Variants in PARP8 observed in about 807,000 individuals in gnomAD.
The protein encoded by PARP8 is poly(ADP-ribose) polymerase family member 8, also known as protein mono-ADP-ribosyltransferase PARP8.
PARP8 carries 51 observed loss-of-function variants against 124.1 expected under a neutral mutation model. That is an observed-to-expected ratio of 0.41 (90% CI 0.33 to 0.52). PARP8 has a LOEUF of 0.52. PARP8 is among the 20% of genes least tolerant of loss of function. The probability of loss-of-function intolerance (pLI) is 0.21; values close to 1 mark genes in which losing one functional copy is unlikely to be tolerated. For synonymous variants in PARP8, 391 were observed against 361.5 expected (o/e 1.08, Z -0.93); for missense variants, 860 against 1,018.9 (o/e 0.84, Z 2.12).
chr5:50,838,199 G>A (rs1747796446), intron 25 of PARP8, among the ~76,000 whole-genome samples: 1 of 152,200 alleles, frequency 6.6e-6, no homozygotes, highest in African/African-American at 2.4e-5. Context: ...AGTCTGTGCA[G>A]TAATTTTATA....
At chr5:50,770,941 A>C (rs1360866649) in intron 7 of PARP8, among the ~76,000 whole-genome samples, 1 of 152,042 alleles carries the variant, frequency 6.6e-6, no homozygotes, top group African/African-American at 2.4e-5. Context: ...TTATCCTTTA[A>C]GATTAATGTT....
chr5:50,837,417 G>A, intron 25 of PARP8, among the ~76,000 whole-genome samples: 1 of 151,996 alleles, frequency 6.6e-6, no homozygotes, highest in African/African-American at 2.4e-5. Context: ...CCTAATGTGT[G>A]GTAACACCTA....
intron 25 of PARP8, among the ~76,000 whole-genome samples, chr5:50,835,740 G>T (rs556486990): frequency 6.6e-6 from 1 of 152,142 alleles, no homozygotes; most frequent in African/African-American, 2.4e-5. Context: ...TATAATACAG[G>T]CTGGCAATGC....
At chr5:50,684,179 T>C (rs530786052) in intron 2 of PARP8, among the ~76,000 whole-genome samples, 1 of 152,300 alleles carries the variant, frequency 6.6e-6, no homozygotes, top group South Asian at 2.1e-4. Flanking sequence ...TAAATTCATA[T>C]TGTATGTCTG....
At position 50,843,157 on chromosome 5, in the gene PARP8, C is replaced by T. The variant is rs2149737821; in HGVS notation, c.*1089C>T. 6.6e-6 allele frequency: 1 copy of T among 151,646 alleles called. No homozygotes were observed. Among genetic ancestry groups the T allele is most frequent in the East Asian group, 1.9e-4 (1 of 5,154 alleles). 9.4% of individuals were successfully genotyped at this position (151,646 alleles called of 1,614,324 possible). A position where few individuals can be genotyped will look rare whatever the true frequency, so the allele number is the denominator to read the frequency against. Reference sequence around the variant, plus strand: ...ATAAGTTTATAGAGAACAGTAACACCAGCTCTCAGCATTTCCTTTTCAAGA... The same window carrying T: ...ATAAGTTTATAGAGAACAGTAACACTAGCTCTCAGCATTTCCTTTTCAAGA... On this transcript the variant is annotated 3_prime_UTR_variant, in exon 26 of 26. Coordinates refer to ENST00000281631, the MANE Select transcript of PARP8 (RefSeq NM_024615.4).
intron 14 of PARP8, among the ~76,000 whole-genome samples, chr5:50,805,250 A>C (rs529749947): frequency 6.6e-6 from 1 of 152,272 alleles, no homozygotes; most frequent in East Asian, 1.9e-4. Context: ...AATAAAATAT[A>C]GATAAATATG....
intron 2 of PARP8, among the ~76,000 whole-genome samples, chr5:50,681,050 A>T (rs1375642358): frequency 3.3e-5 from 5 of 152,132 alleles, no homozygotes; most frequent in Non-Finnish European, 7.4e-5. Context: ...ATTTATGTAG[A>T]TATTTTCCCT....
intron 7 of PARP8, among the ~76,000 whole-genome samples, chr5:50,770,631 G>A (rs1036806250): frequency 2.0e-5 from 3 of 150,292 alleles, no homozygotes; most frequent in African/African-American, 7.4e-5. Context: ...GAAGGAGGGA[G>A]GGAGGGAGTA....
rs1300268938 is a variant in PARP8, at chr5:50,834,005, A to G, written c.2334A>G (p.Gln778=). 2.5e-6 allele frequency: 4 copies of G among 1,612,576 alleles called. No individual in the cohort carries two copies. Among genetic ancestry groups the G allele is most frequent in the East Asian group, 4.5e-5 (2 of 44,750 alleles). The change falls in exon 24 of 26, where the codon CAA becomes CAG. Residue 778 remains glutamine (Q), a synonymous_variant. Coordinates refer to ENST00000281631, the MANE Select transcript of PARP8 (RefSeq NM_024615.4). The part of the protein sequence containing the change: ...SQSQKKGQQS[Q]FLQSRNLKCI... ...CACAGAAAAAAGGACAGCAATCCCA[A>G]TTCCTGCAAAGCCGTAACTTAAAAT... is the stretch of plus-strand genomic sequence containing the variant.
At chr5:50,787,312 C>G (rs1174678518) in intron 9 of PARP8, among the ~76,000 whole-genome samples, 2 of 152,260 alleles carry the variant, frequency 1.3e-5, no homozygotes, top group Admixed American at 6.5e-5. Flanking sequence ...GGTTCCTTCC[C>G]TGCTCTCATC....
intron 7 of PARP8, among the ~76,000 whole-genome samples, chr5:50,775,288 A>T (rs1449732639): frequency 6.6e-6 from 1 of 152,122 alleles, no homozygotes; most frequent in Admixed American, 6.5e-5. Flanking sequence ...AGTGAGTGAG[A>T]CTCCATCTGC....
intron 12 of PARP8, 134 bp from the exon 13 acceptor site, chr5:50,796,848 A>G: frequency 1.3e-6 from 1 of 743,602 alleles, no homozygotes; most frequent in Non-Finnish European, 2.1e-6. Flanking sequence ...TTTTGATGTC[A>G]TCAGTGACTC....
In PARP8 at chr5:50,687,852, C is replaced by T. The variant is rs145596294; in HGVS notation, c.146+19727C>T. ...CTCCCACAGGGTCCCTCTCACAGCACGTGGAAATTCAAGATGAGATTTGTA... is the reference window on the plus strand; with the variant it reads ...CTCCCACAGGGTCCCTCTCACAGCATGTGGAAATTCAAGATGAGATTTGTA... On this transcript the variant is annotated intron_variant, in intron 2 of 25. Coordinates refer to ENST00000281631, the MANE Select transcript of PARP8 (RefSeq NM_024615.4). Among the ~76,000 whole-genome samples the T allele has an allele frequency of 5.5e-3, 834 of 152,284 alleles. 7 individuals carry two copies. The highest frequency in any genetic ancestry group is 0.019 in the African/African-American group (797 of 41,554).
chr5:50,803,215 C>T (rs1283603975), intron 14 of PARP8, among the ~76,000 whole-genome samples: 4 of 152,054 alleles, frequency 2.6e-5, no homozygotes. Context: ...GTTGAGGATT[C>T]CTTGTTATGT....
intron 7 of PARP8, among the ~76,000 whole-genome samples, chr5:50,771,644 G>A (rs949531066): frequency 2.0e-5 from 3 of 150,376 alleles, no homozygotes; most frequent in African/African-American, 7.5e-5. Flanking sequence ...CTATAAAAGG[G>A]ATTATATTCT....
chr5:50,710,529 T>G (rs1754671839), intron 2 of PARP8, among the ~76,000 whole-genome samples: 1 of 152,114 alleles, frequency 6.6e-6, no homozygotes, highest in South Asian at 2.1e-4. Context: ...AAATAAACCT[T>G]TTTTATTTAG....
intron 2 of PARP8, among the ~76,000 whole-genome samples, chr5:50,741,505 G>A (rs1758037995): frequency 6.6e-6 from 1 of 152,182 alleles, no homozygotes; most frequent in Non-Finnish European, 1.5e-5. Flanking sequence ...GTTCCTCCCT[G>A]TTGAGAAAAT....
chr5:50,726,786 C>G (rs1208903067), intron 2 of PARP8, among the ~76,000 whole-genome samples: 1 of 152,134 alleles, frequency 6.6e-6, no homozygotes, highest in Admixed American at 6.6e-5. Context: ...TGTGGATCAT[C>G]TCTGTCCTCA....
intron 2 of PARP8, among the ~76,000 whole-genome samples, chr5:50,706,573 A>C (rs192645978): frequency 7.5e-4 from 114 of 152,238 alleles, no homozygotes; most frequent in African/African-American, 2.6e-3. Flanking sequence ...GATCTTCATC[A>C]TTTTGGGTAG....
Sources: allele counts gnomAD v4.1 joint callset (sites outside exome capture counted in the v4.1 genomes callset), GRCh38; gene constraint gnomAD v4.1.1; transcripts MANE v1.5; gene names NCBI Gene and HGNC (gene_info 2026-07-23, HGNC 2026-07-21).